PSMC2: variants seen among roughly 807,000 people sequenced by gnomAD.
The protein encoded by PSMC2 is 26S proteasome regulatory subunit 7.
PSMC2 carries 7 observed loss-of-function variants against 53.3 expected under a neutral mutation model. That is an observed-to-expected ratio of 0.13 (90% CI 0.07 to 0.25). The LOEUF is 0.25. Ranked by LOEUF, PSMC2 falls within the 10% of genes least tolerant of loss-of-function variation. The pLI is 1.00. For synonymous variants in PSMC2, 169 were observed against 183.9 expected, an observed-to-expected ratio of 0.92 and a Z score of 0.66; for missense variants, 241 against 544.0, an observed-to-expected ratio of 0.44 and a Z score of 5.54.
rs764475256 is a variant in PSMC2 at position 103,355,678 on chromosome 7, A to G, written c.191-16A>G. 5 of 1,596,348 alleles carry G rather than the reference A, an allele frequency of 3.1e-6. No homozygotes were observed. The highest frequency in any genetic ancestry group is 4.3e-6 in the Non-Finnish European group (5 of 1,164,306). Reference sequence around the variant, plus strand: ...GCATTACATTTTAGTAAATTTTGTCATCTTTCTCTATGTAGGTATTAAAGA... The same window carrying G: ...GCATTACATTTTAGTAAATTTTGTCGTCTTTCTCTATGTAGGTATTAAAGA... On this transcript the variant is annotated splice_polypyrimidine_tract_variant and intron_variant, in intron 3 of 11. Coordinates refer to ENST00000292644, the MANE Select transcript of PSMC2 (RefSeq NM_002803.4).
At chr7:103,353,516 AGGCT>A (rs1401495991) in intron 1 of PSMC2, among the ~76,000 whole-genome samples, 1 of 152,152 alleles carries the variant, frequency 6.6e-6, no homozygotes, top group African/African-American at 2.4e-5. Context: ...CAGGTTGGCT[AGGCT>A]GGTCTCAAAC....
intron 1 of PSMC2, chr7:103,348,692 TC>T: frequency 6.3e-7 from 1 of 1,590,160 alleles, no homozygotes; most frequent in Non-Finnish European, 8.6e-7. Flanking sequence ...CACGGTCTGA[TC>T]CGGAAATATG....
At chr7:103,361,551 T>G (rs1002700812) in intron 4 of PSMC2, among the ~76,000 whole-genome samples, 6 of 146,248 alleles carry the variant, frequency 4.1e-5, no homozygotes, top group African/African-American at 1.5e-4. Context: ...GGATTTAAAG[T>G]ATAAACTCAG....
intron 1 of PSMC2, among the ~76,000 whole-genome samples, chr7:103,349,400 A>G (rs1190720418): frequency 6.6e-6 from 1 of 151,844 alleles, no homozygotes. Context: ...TATTCCTTGG[A>G]TACAGTTATG....
intron 5 of PSMC2, 149 bp downstream of exon 5, chr7:103,362,237 T>A (rs191477205): frequency 1.5e-5 from 21 of 1,443,362 alleles, no homozygotes; most frequent in Non-Finnish European, 1.7e-5. Flanking sequence ...AAATTCTGTC[T>A]TCTGCATCTG....
chr7:103,367,201 A>C lies in PSMC2; in HGVS notation c.845-212A>C, dbSNP rs1204407719. On this transcript the variant is annotated intron_variant, in intron 9 of 11. Coordinates refer to ENST00000292644, the MANE Select transcript of PSMC2 (RefSeq NM_002803.4). This position sits in a 1 kb window ranked among gnomAD's most constrained non-coding sequence, Gnocchi z 6.1. ...CCCATAGGCAGTTTAAAAAACGTTA[A>C]GTAAATCTGTGATGAATACTTTTGA... Among the ~76,000 whole-genome samples, 1 of 152,172 alleles carries C rather than the reference A, an allele frequency of 6.6e-6. No homozygotes were observed. Among genetic ancestry groups the C allele is most frequent in the Non-Finnish European group, 1.5e-5 (1 of 68,046 alleles).
In PSMC2 at chr7:103,355,713, T is replaced by C. The variant is rs1343269874; in HGVS notation, c.210T>C (p.Thr70=). 1.2e-6 allele frequency: 2 copies of C among 1,613,960 alleles called. No individual in the cohort carries two copies. The highest frequency in any genetic ancestry group is 1.7e-6 in the Non-Finnish European group (2 of 1,179,856). Residue 70 remains threonine (T), a synonymous_variant, in exon 4 of 12, where the codon ACT becomes ACC. Coordinates refer to ENST00000292644, the MANE Select transcript of PSMC2 (RefSeq NM_002803.4). Reference sequence around the variant, plus strand: ...ATGTAGGTATTAAAGAATCTGACACTGGCCTGGCCCCACCAGCACTCTGGG... The same window carrying C: ...ATGTAGGTATTAAAGAATCTGACACCGGCCTGGCCCCACCAGCACTCTGGG... ...NELTGIKESD[T]GLAPPALWDL...
At position 103,347,787 on chromosome 7, in the gene PSMC2, T is replaced by G. The variant is rs1819636558; in HGVS notation, c.70+6T>G. The G allele has an allele frequency of 4.3e-6, 7 of 1,613,674 alleles. No homozygotes were observed. The highest frequency in any genetic ancestry group is 1.7e-5 in the Admixed American group (1 of 59,982). The stretch of plus-strand genomic sequence containing the variant: ...GGACGACAAGCCCATCCGAGGTCAG[T>G]TGACATGGGCCGGAGCTCGGAGCTG... On this transcript the variant is annotated splice_donor_region_variant and intron_variant, in intron 1 of 11. Coordinates refer to ENST00000292644, the MANE Select transcript of PSMC2 (RefSeq NM_002803.4).
chr7:103,362,902 T>G (rs1043295383), intron 6 of PSMC2, 144 bp downstream of exon 6: 6 of 627,088 alleles, frequency 9.6e-6, no homozygotes, highest in Non-Finnish European at 1.1e-5. Flanking sequence ...CAAGCAATTC[T>G]CCTGCCTCAG....
chr7:103,356,123 C>T (rs1820018179), intron 4 of PSMC2, among the ~76,000 whole-genome samples: 1 of 151,650 alleles, frequency 6.6e-6, no homozygotes, highest in Non-Finnish European at 1.5e-5. Context: ...TGTGTATCTT[C>T]CTGTATTTGC....
intron 8 of PSMC2, among the ~76,000 whole-genome samples, chr7:103,364,981 A>ATT (rs1554575489): frequency 4.3e-5 from 6 of 140,808 alleles, no homozygotes; most frequent in Non-Finnish European, 7.7e-5. Context: ...ATATATATAT[A>ATT]TATTTAGAGA....
At chr7:103,364,345 A>G in intron 8 of PSMC2, 38 bp downstream of exon 8, 1 of 1,605,736 alleles carries the variant, frequency 6.2e-7, no homozygotes, top group Non-Finnish European at 8.5e-7. Context: ...AGCCTTGTGA[A>G]AGATTTTACA....
intron 5 of PSMC2, 126 bp from the exon 6 acceptor site, chr7:103,362,560 A>T: frequency 7.1e-7 from 1 of 1,414,984 alleles, no homozygotes; most frequent in Non-Finnish European, 9.5e-7. Context: ...ATTTCTCTTT[A>T]TATAATTAGG....
intron 4 of PSMC2, among the ~76,000 whole-genome samples, chr7:103,359,592 G>A (rs1820258894): frequency 6.6e-6 from 1 of 152,020 alleles, no homozygotes; most frequent in Non-Finnish European, 1.5e-5. Flanking sequence ...TATAGTACAT[G>A]GCTTCCTTCA....
intron 4 of PSMC2, among the ~76,000 whole-genome samples, chr7:103,356,054 T>C (rs372400382): frequency 3.3e-5 from 5 of 152,322 alleles, no homozygotes; most frequent in African/African-American, 1.2e-4. Context: ...TCATACTTGC[T>C]TTCCCGTTGC....
Position 103,367,843 on chromosome 7 carries a change from C to T in PSMC2, c.1144+34C>T. The T allele has an allele frequency of 6.2e-7, 1 of 1,612,278 alleles. No homozygotes were observed. Among genetic ancestry groups the T allele is most frequent in the South Asian group, 1.1e-5 (1 of 90,792 alleles). ...AAAGTTCTTGCTTATATTTGCTGGT[C>T]TGTCTGCTCAGGCTGCTTTAATTAA... On this transcript the variant is annotated intron_variant, in intron 11 of 11. Transcript: ENST00000292644. This position sits in a 1 kb window ranked among gnomAD's most constrained non-coding sequence, Gnocchi z 6.1.
intron 4 of PSMC2, among the ~76,000 whole-genome samples, chr7:103,356,578 T>A (rs978426037): frequency 6.6e-6 from 1 of 152,230 alleles, no homozygotes; most frequent in Non-Finnish European, 1.5e-5. Flanking sequence ...ACTAGTATGA[T>A]AGCTACTTCT....
At position 103,347,673 on chromosome 7, in the gene PSMC2, T is replaced by C; in HGVS notation, c.-39T>C. On this transcript the variant is annotated 5_prime_UTR_variant, in exon 1 of 12. Coordinates refer to ENST00000292644, the MANE Select transcript of PSMC2 (RefSeq NM_002803.4). The stretch of plus-strand genomic sequence containing the variant: ...ACCACCGGAAGCAAGGAAGGTGCTG[T>C]GTAATCATTAAGGAGCGGAGGCTTT... 5 of 1,612,002 alleles carry C rather than the reference T, an allele frequency of 3.1e-6. No individual in the cohort carries two copies. The highest frequency in any genetic ancestry group is 4.2e-6 in the Non-Finnish European group (5 of 1,178,280).
rs1156515401 is a variant in PSMC2 at position 103,367,745 on chromosome 7, T to G, written c.1080T>G (p.Arg360=). 1 of 1,614,070 alleles carries G rather than the reference T, an allele frequency of 6.2e-7. No homozygotes were observed. The highest frequency in any genetic ancestry group is 8.5e-7 in the Non-Finnish European group (1 of 1,179,968). The change falls in exon 11 of 12, where the codon CGT becomes CGG. Residue 360 remains arginine (R), a synonymous_variant. Transcript: ENST00000292644. The surrounding 1 kb of genome is among the most constrained non-coding windows in gnomAD (Gnocchi z 6.1). ...CCCACATATTTAAGATTCACGCTCGTTCAATGAGTGTTGAAAGAGATATCA... is the reference window on the plus strand; with the variant it reads ...CCCACATATTTAAGATTCACGCTCGGTCAATGAGTGTTGAAAGAGATATCA... ...GRTHIFKIHA[R]SMSVERDIRF...
Sources: gnomAD v4.1 joint callset for allele counts (sites outside exome capture counted in the v4.1 genomes callset) on GRCh38, gnomAD v4.1.1 for gene constraint, Gnocchi (gnomAD v3.1) non-coding constraint, MANE v1.5 for transcripts, NCBI Gene and HGNC (gene_info 2026-07-23, HGNC 2026-07-21) for gene names.